The following XKR6 variants were observed in gnomAD, a reference collection of about 807,000 sequenced individuals.
XKR6 encodes the protein XK-related protein 6.
In XKR6, 22 loss-of-function variants were observed where a neutral mutation model predicts 56.7. The observed-to-expected ratio is 0.39, with a 90% CI of 0.28 to 0.55. The LOEUF (loss-of-function observed/expected upper bound fraction) is 0.55, where lower values mean the gene tolerates loss of function less well. Among genes scored for constraint, XKR6 ranks in the 20% least tolerant of loss-of-function variants. The pLI is 0.66. For synonymous variants in XKR6, 524 were observed against 387.8 expected (o/e 1.35, Z -4.13); for missense variants, 852 against 889.0 (o/e 0.96, Z 0.53).
At chr8:11,106,405 C>G (rs1430825724) in intron 1 of XKR6, 2 of 152,254 alleles carry the variant, frequency 1.3e-5, no homozygotes, top group Admixed American at 1.3e-4. Flanking sequence ...TCTTCCCATG[C>G]CTGAGGCACC....
chr8:11,195,728 A>G (rs1201834599), intron 1 of XKR6, among the ~76,000 whole-genome samples: 1 of 150,622 alleles, frequency 6.6e-6, no homozygotes, highest in African/African-American at 2.4e-5. Flanking sequence ...GGCTCACTGC[A>G]AGCTCCACCT....
At chr8:11,100,637 G>A (rs1408161889) in intron 1 of XKR6, among the ~76,000 whole-genome samples, 2 of 152,174 alleles carry the variant, frequency 1.3e-5, no homozygotes, top group Admixed American at 6.5e-5. Flanking sequence ...CTTAACCCTT[G>A]TAGCAACTTC....
intron 1 of XKR6, among the ~76,000 whole-genome samples, chr8:11,083,566 C>T (rs1352275569): frequency 6.6e-6 from 1 of 152,194 alleles, no homozygotes; most frequent in African/African-American, 2.4e-5. Flanking sequence ...TTCACCAGTG[C>T]TGGGCTGGGT....
chr8:11,070,342 G>T (rs1041825517), intron 1 of XKR6, among the ~76,000 whole-genome samples: 7 of 152,110 alleles, frequency 4.6e-5, no homozygotes, highest in Admixed American at 2.0e-4. Flanking sequence ...ACACTTCACT[G>T]AAAAAAATAT....
chr8:11,191,567 C>T (rs973902583), intron 1 of XKR6, among the ~76,000 whole-genome samples: 1 of 152,104 alleles, frequency 6.6e-6, no homozygotes, highest in African/African-American at 2.4e-5. Flanking sequence ...GAATGTAATT[C>T]AGCCCCTAGA....
intron 1 of XKR6, among the ~76,000 whole-genome samples, chr8:11,041,220 C>G (rs1198014105): frequency 6.6e-6 from 1 of 152,068 alleles, no homozygotes; most frequent in African/African-American, 2.4e-5. Flanking sequence ...ATGCTTGTAA[C>G]AGAGCATTAA....
intron 1 of XKR6, among the ~76,000 whole-genome samples, chr8:11,158,859 T>C (rs1012634368): frequency 1.3e-5 from 2 of 152,140 alleles, no homozygotes; most frequent in African/African-American, 4.8e-5. Flanking sequence ...AGGGAATAAT[T>C]ACCAGAACAC....
intron 1 of XKR6, among the ~76,000 whole-genome samples, chr8:11,005,150 G>C (rs1275231083): frequency 6.8e-6 from 1 of 146,348 alleles, no homozygotes; most frequent in East Asian, 1.9e-4. Flanking sequence ...GGCAGGTAGT[G>C]TGTCCAGCAT....
At chr8:11,066,859 G>A (rs11780798) in intron 1 of XKR6, 23,894 of 152,130 alleles carry the variant, frequency 0.16, 2,525 homozygotes, top group Non-Finnish European at 0.23. Flanking sequence ...CCTGAGCTAC[G>A]GGTGTCTGCA....
At chr8:11,137,080 T>C (rs1840149853) in intron 1 of XKR6, 1 of 153,610 alleles carries the variant, frequency 6.5e-6, no homozygotes. Flanking sequence ...AATTTGTAAA[T>C]AAAAGATGAA....
chr8:10,932,887 C>G (rs1254475489), intron 1 of XKR6, among the ~76,000 whole-genome samples: 1 of 140,218 alleles, frequency 7.1e-6, no homozygotes, highest in Non-Finnish European at 1.6e-5. Context: ...AATAAACATA[C>G]GTGTGCATGT....
chr8:10,954,316 T>C (rs762907246), intron 1 of XKR6, among the ~76,000 whole-genome samples: 4 of 152,236 alleles, frequency 2.6e-5, no homozygotes, highest in Non-Finnish European at 5.9e-5. Context: ...CTGCACATCC[T>C]TGTCAACACT....
At chr8:10,924,570 G>A (rs1243101858) in intron 2 of XKR6, 64 bp downstream of exon 2, 16 of 1,542,734 alleles carry the variant, frequency 1.0e-5, no homozygotes, top group African/African-American at 6.8e-5. Flanking sequence ...GTGTGTGGGA[G>A]GCGGCCGTGG....
At chr8:11,152,146 G>A (rs1008991194) in intron 1 of XKR6, among the ~76,000 whole-genome samples, 1 of 152,172 alleles carries the variant, frequency 6.6e-6, no homozygotes, top group Admixed American at 6.5e-5. Context: ...TTTCCCAGCA[G>A]TAAAAAGTGA....
At chr8:11,137,973 C>T (rs1800492559) in intron 1 of XKR6, 1 of 322,104 alleles carries the variant, frequency 3.1e-6, no homozygotes, top group South Asian at 2.6e-5. Flanking sequence ...CTCTCTAATG[C>T]CCTGATGAAG....
intron 1 of XKR6, chr8:11,124,411 G>C (rs1345529024): frequency 6.1e-6 from 1 of 163,110 alleles, no homozygotes; most frequent in Non-Finnish European, 1.3e-5. Context: ...GTAACTGGCA[G>C]AAACAAGCAC....
At chr8:11,171,842 CAGGAGTTCA>C (rs1802388623) in intron 1 of XKR6, among the ~76,000 whole-genome samples, 1 of 151,344 alleles carries the variant, frequency 6.6e-6, no homozygotes, top group Non-Finnish European at 1.5e-5. Flanking sequence ...CATGTGAGGT[CAGGAGTTCA>C]ACACCAGCAT....
rs994181384 is a variant in XKR6 at position 11,201,537 on chromosome 8, C to T, written c.-198G>A. Among the ~76,000 whole-genome samples, 6 of 152,028 alleles carry T rather than the reference C, an allele frequency of 3.9e-5. No individual in the cohort carries two copies. Among genetic ancestry groups the T allele is most frequent in the African/African-American group, 1.4e-4 (6 of 41,386 alleles). The stretch of plus-strand genomic sequence containing the variant: ...GTAGTTGGCGTCACTTCCGGGCGAG[C>T]CCCCCAATCGCACGGCGCCCGCAGC... On this transcript the variant is annotated 5_prime_UTR_variant, in exon 1 of 3. Transcript: ENST00000416569.
At position 11,190,233 on chromosome 8, in the gene XKR6, A is replaced by G. The variant is rs867137593; in HGVS notation, c.764+10343T>C. 2.7e-3 allele frequency among the ~76,000 whole-genome samples: 343 copies of G among 128,706 alleles called. 2 individuals carry two copies. Among genetic ancestry groups the G allele is most frequent in the African/African-American group, 8.9e-3 (295 of 33,300 alleles). 84.4% of individuals were successfully genotyped at this position (128,706 alleles called of 152,430 possible). A position where few individuals can be genotyped will look rare whatever the true frequency, so the allele number is the denominator to read the frequency against. The stretch of plus-strand genomic sequence containing the variant: ...GAAAGAAAGAAAGAAAGAGAAAAGA[A>G]AAAAGAAAAAAGAAAAGAAAAGAAA... On this transcript the variant is annotated intron_variant, in intron 1 of 2. Coordinates refer to ENST00000416569, the MANE Select transcript of XKR6 (RefSeq NM_173683.4).
Sources: gnomAD v4.1 joint callset for allele counts (sites outside exome capture counted in the v4.1 genomes callset) on GRCh38, gnomAD v4.1.1 for gene constraint, MANE v1.5 for transcripts, NCBI Gene and HGNC (gene_info 2026-07-23, HGNC 2026-07-21) for gene names.